Variants in EML6 observed in about 807,000 individuals in gnomAD.
EML6 encodes the protein EMAP like 6, also known as echinoderm microtubule-associated protein-like 6.
Under a neutral mutation model 240.1 loss-of-function variants are expected in EML6, and 154 were observed. That is an observed-to-expected ratio of 0.64 (90% CI 0.56 to 0.73). The LOEUF is 0.73. EML6 is among the 30% of genes least tolerant of loss of function. The pLI is 0.00. For synonymous variants in EML6, 1,148 were observed against 899.0 expected (o/e 1.28, Z -4.95); for missense variants, 2,964 against 2,474.6 (o/e 1.20, Z -4.20).
At position 54,910,947 on chromosome 2, in the gene EML6, G is replaced by T. The variant is rs373511578; in HGVS notation, c.3410-7G>T. 20 of 1,506,928 alleles carry T rather than the reference G, an allele frequency of 1.3e-5. No individual in the cohort carries two copies. The highest frequency in any genetic ancestry group is 7.4e-5 in the East Asian group (3 of 40,610). The allele number at this position is 1,506,928 out of a possible 1,614,324, so 93.3% of individuals were successfully genotyped here. A position where few individuals can be genotyped will look rare whatever the true frequency, so the allele number is the denominator to read the frequency against. On this transcript the variant is annotated splice_polypyrimidine_tract_variant and splice_region_variant and intron_variant, in intron 24 of 41. Transcript: ENST00000356458. Reference sequence around the variant, plus strand: ...AATTATCTCTCTACTTCGTTCTGTCGTAACAGGAAAATTATTGCAAGTGAA... The same window carrying T: ...AATTATCTCTCTACTTCGTTCTGTCTTAACAGGAAAATTATTGCAAGTGAA...
intron 2 of EML6, among the ~76,000 whole-genome samples, chr2:54,751,174 TG>T (rs1684149210): frequency 6.6e-6 from 1 of 152,182 alleles, no homozygotes; most frequent in African/African-American, 2.4e-5. Context: ...CCATGTTTTA[TG>T]GTGACAAAGA....
At chr2:54,954,543 C>T (rs1676142165) in intron 32 of EML6, among the ~76,000 whole-genome samples, 1 of 152,216 alleles carries the variant, frequency 6.6e-6, no homozygotes, top group Admixed American at 6.5e-5. Flanking sequence ...AGCCCTATCA[C>T]TTTGTCTGCT....
intron 17 of EML6, among the ~76,000 whole-genome samples, chr2:54,889,392 C>T (rs947437250): frequency 6.6e-6 from 1 of 151,372 alleles, no homozygotes; most frequent in African/African-American, 2.4e-5. Flanking sequence ...TAAGGGATAA[C>T]TGCTATCTTT....
At chr2:54,912,088 C>G (rs899314526) in intron 25 of EML6, among the ~76,000 whole-genome samples, 3 of 152,196 alleles carry the variant, frequency 2.0e-5, no homozygotes, top group African/African-American at 4.8e-5. Context: ...CTTAAACTGT[C>G]CCAGTATTGT....
chr2:54,922,924 G>A (rs1056570539), intron 26 of EML6, among the ~76,000 whole-genome samples: 5 of 146,888 alleles, frequency 3.4e-5, no homozygotes, highest in Non-Finnish European at 6.0e-5. Context: ...GTTGGTCAAA[G>A]GGTATAAACT....
At chr2:54,826,145 C>T (rs76230218) in intron 5 of EML6, among the ~76,000 whole-genome samples, 2 of 152,156 alleles carry the variant, frequency 1.3e-5, no homozygotes, top group African/African-American at 4.8e-5. Flanking sequence ...TTTTTTCTAA[C>T]CCCATTGAAC....
In EML6 at chr2:54,844,093, A is replaced by G. The variant is rs369469888; in HGVS notation, c.894A>G (p.Ala298=). ...GCTGGAAAGCAGACCGCCTTCTAGC[A>G]GGGACCCAGGACAGTGAGATATTTG... ...SVCWKADRLL[A]GTQDSEIFEV... The change falls in exon 8 of 42, where the codon GCA becomes GCG. Residue 298 remains alanine (A), a synonymous_variant. Transcript: ENST00000356458. 39 of 1,551,264 alleles carry G rather than the reference A, an allele frequency of 2.5e-5. No individual in the cohort carries two copies. Among genetic ancestry groups the G allele is most frequent in the African/African-American group, 4.1e-5 (3 of 72,954 alleles).
At chr2:54,803,596 T>G (rs1014167661) in intron 2 of EML6, among the ~76,000 whole-genome samples, 1 of 152,166 alleles carries the variant, frequency 6.6e-6, no homozygotes, top group Non-Finnish European at 1.5e-5. Flanking sequence ...GCCTTGCATT[T>G]TGACCAAGCT....
At chr2:54,964,434 G>A (rs377690359) in intron 37 of EML6, 137 bp from the exon 38 acceptor site, 6 of 793,906 alleles carry the variant, frequency 7.6e-6, no homozygotes, top group African/African-American at 7.0e-5. Flanking sequence ...AATGCCAGGA[G>A]AGGCTGACCA....
chr2:54,864,597 T>C (rs1362701561), intron 13 of EML6, among the ~76,000 whole-genome samples: 6 of 152,254 alleles, frequency 3.9e-5, no homozygotes, highest in Admixed American at 3.3e-4. Context: ...GCAGATTCTG[T>C]ACATGAATGT....
intron 7 of EML6, among the ~76,000 whole-genome samples, chr2:54,830,920 A>G (rs1314641235): frequency 6.6e-6 from 1 of 152,194 alleles, no homozygotes; most frequent in African/African-American, 2.4e-5. Flanking sequence ...AGAGTTTGGC[A>G]TAGGAAGTTG....
At chr2:54,751,633 T>C (rs1558525406) in intron 2 of EML6, among the ~76,000 whole-genome samples, 1 of 152,242 alleles carries the variant, frequency 6.6e-6, no homozygotes, top group African/African-American at 2.4e-5. Flanking sequence ...AGACAGATTT[T>C]TAAAAATCAC....
chr2:54,815,255 C>T lies in EML6; in HGVS notation c.358-1532C>T, dbSNP rs989047813. 5.9e-5 allele frequency among the ~76,000 whole-genome samples: 9 copies of T among 152,142 alleles called. No individual in the cohort carries two copies. The South Asian group carries it at 1.5e-3, about 25-fold the overall frequency. Reference sequence around the variant, plus strand: ...GTGGGTGGGGGTGGATTGCATGGTACTTAACTGTCAGGTGAGAGAAATAAC... The same window carrying T: ...GTGGGTGGGGGTGGATTGCATGGTATTTAACTGTCAGGTGAGAGAAATAAC... On this transcript the variant is annotated intron_variant, in intron 3 of 41. Coordinates refer to ENST00000356458, the MANE Select transcript of EML6 (RefSeq NM_001039753.4).
At chr2:54,952,816 A>AT in intron 31 of EML6, 124 bp downstream of exon 31, 1 of 653,514 alleles carries the variant, frequency 1.5e-6, no homozygotes, top group African/African-American at 1.8e-5. Context: ...GTTGCTGTTG[A>AT]TTTTTTGAGT....
chr2:54,916,247 G>T (rs1673903291), intron 25 of EML6, among the ~76,000 whole-genome samples: 1 of 152,182 alleles, frequency 6.6e-6, no homozygotes, highest in South Asian at 2.1e-4. Context: ...CCATTGATCA[G>T]CCTAGGTCAG....
At chr2:54,949,020 T>A in intron 29 of EML6, 60 bp downstream of exon 29, 1 of 1,243,484 alleles carries the variant, frequency 8.0e-7, no homozygotes, top group East Asian at 2.5e-5. Context: ...CTGGTAGACA[T>A]CCCCATCTGC....
intron 2 of EML6, among the ~76,000 whole-genome samples, chr2:54,759,011 A>C (rs151177643): frequency 1.3e-5 from 2 of 151,978 alleles, no homozygotes; most frequent in African/African-American, 4.8e-5. Context: ...GAAAACAAAA[A>C]ATAGGGATGG....
chr2:54,885,434 C>T (rs1223717214), intron 17 of EML6, among the ~76,000 whole-genome samples: 17 of 150,944 alleles, frequency 1.1e-4, no homozygotes, highest in Admixed American at 7.9e-4. Flanking sequence ...GCAACAAGAA[C>T]GAAACTCTGT....
intron 16 of EML6, among the ~76,000 whole-genome samples, chr2:54,875,832 T>C (rs1286722000): frequency 1.3e-5 from 2 of 152,138 alleles, no homozygotes; most frequent in African/African-American, 2.4e-5. Context: ...AGATTAGAAA[T>C]AGAAAAGGTC....
Sources: gnomAD v4.1 joint callset for allele counts (sites outside exome capture counted in the v4.1 genomes callset) on GRCh38, gnomAD v4.1.1 for gene constraint, MANE v1.5 for transcripts, NCBI Gene and HGNC (gene_info 2026-07-23, HGNC 2026-07-21) for gene names.